The following FAM193A variants were observed in gnomAD, a reference collection of about 807,000 sequenced individuals.
FAM193A encodes the protein family with sequence similarity 193 member A, also known as protein FAM193A.
Under a neutral mutation model 126.5 loss-of-function variants are expected in FAM193A, and 22 were observed. That is an observed-to-expected ratio of 0.17 (90% CI 0.12 to 0.25). The LOEUF (loss-of-function observed/expected upper bound fraction) is 0.25, where lower values mean the gene tolerates loss of function less well. Ranked by LOEUF, FAM193A falls within the 10% of genes least tolerant of loss-of-function variation. The pLI is 1.00. For synonymous variants in FAM193A, 761 were observed against 646.8 expected (o/e 1.18, Z -2.68); for missense variants, 1,675 against 1,672.8 (o/e 1.00, Z -0.02).
intron 7 of FAM193A, among the ~76,000 whole-genome samples, chr4:2,650,987 GCAT>G (rs933140801): frequency 6.6e-6 from 1 of 152,142 alleles, no homozygotes; most frequent in African/African-American, 2.4e-5. Context: ...CTGGAGGGTG[GCAT>G]CAGACCTGGA....
At chr4:2,651,452 G>T (rs945516790) in intron 7 of FAM193A, among the ~76,000 whole-genome samples, 1 of 152,324 alleles carries the variant, frequency 6.6e-6, no homozygotes, top group Non-Finnish European at 1.5e-5. Flanking sequence ...AATCATGGCG[G>T]AAGGAGAAGA....
chr4:2,683,284 C>CTT (rs200488691), intron 13 of FAM193A, among the ~76,000 whole-genome samples: 46 of 142,252 alleles, frequency 3.2e-4, no homozygotes, highest in African/African-American at 8.0e-4. Flanking sequence ...AAGATTTTCT[C>CTT]TTTTTTTTTT....
chr4:2,570,718 C>A (rs1270395380), intron 1 of FAM193A, among the ~76,000 whole-genome samples: 1 of 152,084 alleles, frequency 6.6e-6, no homozygotes, highest in South Asian at 2.1e-4. Flanking sequence ...GACCAGTTAC[C>A]CCATGGGTAC....
intron 1 of FAM193A, among the ~76,000 whole-genome samples, chr4:2,594,187 A>G (rs1740720079): frequency 6.6e-6 from 1 of 152,080 alleles, no homozygotes; most frequent in South Asian, 2.1e-4. Flanking sequence ...TCAATCACTA[A>G]TTCATTCATT....
chr4:2,676,856 G>A (rs540835058), intron 13 of FAM193A, among the ~76,000 whole-genome samples: 47 of 152,202 alleles, frequency 3.1e-4, no homozygotes, highest in African/African-American at 1.1e-3. Flanking sequence ...CAGGAAAATG[G>A]CGTGAACCCG....
rs1334848571 is a variant in FAM193A, at chr4:2,700,137, C to T, written c.3965C>T (p.Ser1322Phe). 6.2e-7 allele frequency: 1 copy of T among 1,613,716 alleles called. No individual in the cohort carries two copies. Among genetic ancestry groups the T allele is most frequent in the Non-Finnish European group, 8.5e-7 (1 of 1,179,998 alleles). ...EVNGKQHEPL[S>F]FFFDIMQHHK... ...AATGGGAAGCAGCATGAGCCACTCTCTTTTTTCTTCGACATCATGCAGCAC... is the reference window on the plus strand; with the variant it reads ...AATGGGAAGCAGCATGAGCCACTCTTTTTTTTCTTCGACATCATGCAGCAC... Residue 1322 changes from serine (S) to phenylalanine (F), a missense_variant, in exon 19 of 21, where the codon TCT becomes TTT. Physicochemically the swap from Ser to Phe is radical, Grantham distance 155. Transcript: ENST00000637812.
chr4:2,573,044 T>C (rs1049422105), intron 1 of FAM193A, among the ~76,000 whole-genome samples: 5 of 152,150 alleles, frequency 3.3e-5, no homozygotes, highest in African/African-American at 9.7e-5. Context: ...TGTTTCTTTA[T>C]TTTGGGTCTC....
intron 5 of FAM193A, among the ~76,000 whole-genome samples, chr4:2,635,700 T>C (rs1359040701): frequency 6.6e-6 from 1 of 152,108 alleles, no homozygotes; most frequent in Non-Finnish European, 1.5e-5. Flanking sequence ...ATCTGGCTAA[T>C]TTTTTTGTAT....
intron 1 of FAM193A, among the ~76,000 whole-genome samples, chr4:2,594,982 C>T (rs1212425469): frequency 6.6e-6 from 1 of 151,648 alleles, no homozygotes; most frequent in Non-Finnish European, 1.5e-5. Context: ...GTGCACACCA[C>T]CACGCCCAGC....
At chr4:2,568,138 A>T (rs961715607) in intron 1 of FAM193A, among the ~76,000 whole-genome samples, 2 of 152,118 alleles carry the variant, frequency 1.3e-5, no homozygotes, top group Non-Finnish European at 2.9e-5. Flanking sequence ...GTGATACTTT[A>T]CACCTTTGTT....
intron 1 of FAM193A, among the ~76,000 whole-genome samples, chr4:2,570,355 A>T (rs1308568848): frequency 6.6e-6 from 1 of 152,196 alleles, no homozygotes; most frequent in East Asian, 1.9e-4. Flanking sequence ...TGGTAACCCT[A>T]ACTCTGAATC....
chr4:2,557,753 C>A (rs1738345950), intron 1 of FAM193A, among the ~76,000 whole-genome samples: 2 of 151,412 alleles, frequency 1.3e-5, no homozygotes, highest in African/African-American at 4.9e-5. Context: ...GAGATCAAGA[C>A]CATCCTGGCT....
At chr4:2,602,827 A>AT (rs1426201517) in intron 2 of FAM193A, among the ~76,000 whole-genome samples, 1 of 149,092 alleles carries the variant, frequency 6.7e-6, no homozygotes, top group Non-Finnish European at 1.5e-5. Flanking sequence ...CGCCCGGCTA[A>AT]TTTTTTGTAT....
At chr4:2,550,042 A>G (rs939595228) in intron 1 of FAM193A, among the ~76,000 whole-genome samples, 31 of 98,848 alleles carry the variant, frequency 3.1e-4, no homozygotes, top group African/African-American at 9.9e-4. Context: ...TTTTTTTTTT[A>G]ATTTTAATTT....
At chr4:2,696,773 T>TA (rs1357160985) in intron 18 of FAM193A, among the ~76,000 whole-genome samples, 180 bp downstream of exon 18, 3 of 152,314 alleles carry the variant, frequency 2.0e-5, no homozygotes, top group South Asian at 2.1e-4. Context: ...TGGAGACTGG[T>TA]AAAAAACTTA....
chr4:2,701,595 T>G (rs1194201741), intron 19 of FAM193A, among the ~76,000 whole-genome samples: 1 of 152,148 alleles, frequency 6.6e-6, no homozygotes, highest in Non-Finnish European at 1.5e-5. Context: ...ATGGGAACTC[T>G]GATCCTGGGT....
intron 1 of FAM193A, among the ~76,000 whole-genome samples, chr4:2,583,955 A>G (rs906748006): frequency 2.0e-5 from 3 of 152,180 alleles, no homozygotes; most frequent in African/African-American, 7.2e-5. Context: ...CTTGAGGAAC[A>G]GAAGTTTTTT....
intron 2 of FAM193A, among the ~76,000 whole-genome samples, chr4:2,605,364 C>T (rs1741474254): frequency 1.3e-5 from 2 of 152,280 alleles, no homozygotes; most frequent in East Asian, 3.9e-4. Context: ...GTACAGTTTT[C>T]CTGGTGTTTT....
chr4:2,722,352 G>A lies in FAM193A; in HGVS notation c.4454+6248G>A, dbSNP rs542973948. On this transcript the variant is annotated intron_variant, in intron 20 of 20. Transcript: ENST00000637812. ...TGGGCCTGGGACCTTAGAGAGCAGC[G>A]TGAGCTCTGTGCCCATGCTGCAAGA... Among the ~76,000 whole-genome samples the A allele has an allele frequency of 4.6e-5, 7 of 152,312 alleles. No homozygotes were observed. In the South Asian group the frequency reaches 6.2e-4, roughly 14 times the overall value.
Sources: gnomAD v4.1 joint callset for allele counts (sites outside exome capture counted in the v4.1 genomes callset) on GRCh38, gnomAD v4.1.1 for gene constraint, MANE v1.5 for transcripts, NCBI Gene and HGNC (gene_info 2026-07-23, HGNC 2026-07-21) for gene names.